CHCHD3: variants seen among roughly 807,000 people sequenced by gnomAD.
CHCHD3 encodes the protein coiled-coil-helix-coiled-coil-helix domain containing 3.
In CHCHD3, 20 loss-of-function variants were observed where a neutral mutation model predicts 38.2. The ratio of observed to expected loss-of-function variants is 0.52; its 90% CI spans 0.37 to 0.76. CHCHD3 has a LOEUF of 0.76. Among genes scored for constraint, CHCHD3 ranks in the 30% least tolerant of loss-of-function variants. The pLI is 0.00. For synonymous variants in CHCHD3, 82 were observed against 100.0 expected, an observed-to-expected ratio of 0.82 and a Z score of 1.07; for missense variants, 245 against 279.2, an observed-to-expected ratio of 0.88 and a Z score of 0.87.
chr7:132,987,572 G>C (rs1202221227), intron 3 of CHCHD3, among the ~76,000 whole-genome samples: 3 of 152,320 alleles, frequency 2.0e-5, no homozygotes, highest in African/African-American at 7.2e-5. Context: ...GCCAGACGAT[G>C]AGAAGATGTA....
intron 3 of CHCHD3, among the ~76,000 whole-genome samples, chr7:133,013,794 G>A (rs1812949761): frequency 6.6e-6 from 1 of 152,014 alleles, no homozygotes; most frequent in Non-Finnish European, 1.5e-5. Context: ...TAAGAATAAG[G>A]GAAAGGAGGG....
At chr7:132,834,132 C>A (rs1041772338) in intron 6 of CHCHD3, among the ~76,000 whole-genome samples, 1 of 152,112 alleles carries the variant, frequency 6.6e-6, no homozygotes, top group Non-Finnish European at 1.5e-5. Flanking sequence ...AGGCGAAAAA[C>A]CCCTGTCATG....
intron 5 of CHCHD3, among the ~76,000 whole-genome samples, chr7:132,851,929 TATA>T (rs1429586533): frequency 1.3e-5 from 2 of 152,314 alleles, no homozygotes; most frequent in Non-Finnish European, 1.5e-5. Context: ...CTAGGAACTC[TATA>T]AAACTAACAA....
intron 6 of CHCHD3, among the ~76,000 whole-genome samples, chr7:132,817,663 CTG>C (rs1275478777): frequency 2.0e-5 from 3 of 152,106 alleles, no homozygotes; most frequent in Admixed American, 2.0e-4. Flanking sequence ...CTTGGGATAA[CTG>C]AACATGAAAT....
At position 132,865,920 on chromosome 7, in the gene CHCHD3, G is replaced by A. The variant is rs547904024; in HGVS notation, c.453+19742C>T. ...GCCCTCAGCATTCCTTCTGGGTAGC[G>A]CAGTTTGTCATTTTGCCAACATCCT... is the stretch of plus-strand genomic sequence containing the variant. On this transcript the variant is annotated intron_variant, in intron 5 of 7. Transcript: ENST00000262570. 4.1e-4 allele frequency among the ~76,000 whole-genome samples: 63 copies of A among 152,228 alleles called. No individual in the cohort carries two copies. In the South Asian group the frequency reaches 0.012, roughly 29 times the overall value.
At chr7:133,050,424 A>G (rs1814127855) in intron 2 of CHCHD3, among the ~76,000 whole-genome samples, 1 of 150,226 alleles carries the variant, frequency 6.7e-6, no homozygotes, top group African/African-American at 2.4e-5. Flanking sequence ...GATAGACAGT[A>G]GAGCACACTT....
At chr7:132,903,414 A>G (rs961153509) in intron 4 of CHCHD3, among the ~76,000 whole-genome samples, 4 of 152,190 alleles carry the variant, frequency 2.6e-5, no homozygotes, top group South Asian at 2.1e-4. Flanking sequence ...GGCCAACTGT[A>G]GTACAGTTTC....
At chr7:132,810,716 T>C (rs77143874) in intron 6 of CHCHD3, among the ~76,000 whole-genome samples, 3,401 of 152,284 alleles carry the variant, frequency 0.022, 54 homozygotes, top group Non-Finnish European at 0.034. Context: ...CATGTCTGGA[T>C]TGGATTCACC....
At chr7:133,063,757 T>G (rs1181057095) in intron 2 of CHCHD3, among the ~76,000 whole-genome samples, 1 of 152,186 alleles carries the variant, frequency 6.6e-6, no homozygotes, top group Non-Finnish European at 1.5e-5. Flanking sequence ...CTTTCCAGAC[T>G]TGCATCCTAA....
chr7:132,879,716 T>TAAAAAAAAAAAAAAAAAAAAAA (rs56259114), intron 5 of CHCHD3, among the ~76,000 whole-genome samples: 4 of 38,426 alleles, frequency 1.0e-4, no homozygotes, highest in Non-Finnish European at 1.7e-4. Flanking sequence ...TTGTCAAAAG[T>TAAAAAAAAAAAAAAAAAAAAAA]AAAAAAAAAA....
chr7:132,959,657 A>G (rs1361847207), intron 4 of CHCHD3, among the ~76,000 whole-genome samples: 1 of 146,134 alleles, frequency 6.8e-6, no homozygotes, highest in East Asian at 2.2e-4. Flanking sequence ...CTGGAGACAG[A>G]GGTTGCAGTG....
At chr7:132,957,963 A>T (rs1811223689) in intron 4 of CHCHD3, among the ~76,000 whole-genome samples, 1 of 152,232 alleles carries the variant, frequency 6.6e-6, no homozygotes, top group South Asian at 2.1e-4. Flanking sequence ...ACACAGACTT[A>T]CGAATCAACC....
chr7:132,889,715 A>G (rs1809313569), intron 4 of CHCHD3, among the ~76,000 whole-genome samples: 1 of 152,198 alleles, frequency 6.6e-6, no homozygotes, highest in East Asian at 1.9e-4. Context: ...TTAATAGCAC[A>G]TTGCTTTGAA....
chr7:132,905,983 A>C (rs1227493321), intron 4 of CHCHD3, among the ~76,000 whole-genome samples: 1 of 152,246 alleles, frequency 6.6e-6, no homozygotes, highest in Non-Finnish European at 1.5e-5. Context: ...TATTTTGCTG[A>C]AGTGCTGGCT....
At chr7:132,869,362 A>G (rs138511903) in intron 5 of CHCHD3, among the ~76,000 whole-genome samples, 40 of 152,326 alleles carry the variant, frequency 2.6e-4, no homozygotes, top group African/African-American at 6.5e-4. Context: ...AGGATTGAAT[A>G]TGCAGAAGTG....
At chr7:132,863,094 T>A (rs1808534870) in intron 5 of CHCHD3, among the ~76,000 whole-genome samples, 1 of 152,224 alleles carries the variant, frequency 6.6e-6, no homozygotes, top group African/African-American at 2.4e-5. Context: ...TAATGGCATC[T>A]AGAATGGTAA....
At chr7:132,880,297 G>T (rs940771655) in intron 5 of CHCHD3, among the ~76,000 whole-genome samples, 1 of 152,128 alleles carries the variant, frequency 6.6e-6, no homozygotes, top group South Asian at 2.1e-4. Flanking sequence ...ACAATAGGGC[G>T]CACAGCCACA....
intron 7 of CHCHD3, among the ~76,000 whole-genome samples, chr7:132,787,815 G>A (rs1310984371): frequency 6.6e-6 from 1 of 152,090 alleles, no homozygotes; most frequent in Non-Finnish European, 1.5e-5. Flanking sequence ...TATAAAGGCA[G>A]ACAAACTTAG....
intron 4 of CHCHD3, among the ~76,000 whole-genome samples, chr7:132,971,891 G>GCTAA (rs1252751474): frequency 1.3e-5 from 2 of 152,172 alleles, no homozygotes; most frequent in Non-Finnish European, 2.9e-5. Context: ...CAGGAGCAAT[G>GCTAA]CTAACCTTTC....
Sources: allele counts gnomAD v4.1 joint callset (sites outside exome capture counted in the v4.1 genomes callset), GRCh38; gene constraint gnomAD v4.1.1; transcripts MANE v1.5; gene names NCBI Gene and HGNC (gene_info 2026-07-23, HGNC 2026-07-21).